The following GRID2 variants were observed in gnomAD, a reference collection of about 807,000 sequenced individuals.
GRID2 encodes glutamate receptor ionotropic, delta-2.
A neutral mutation model predicts 114.8 loss-of-function variants in GRID2; 33 were observed. That is an observed-to-expected ratio of 0.29 (90% confidence interval 0.22 to 0.38). GRID2 has a LOEUF of 0.38. Among genes scored for constraint, GRID2 ranks in the 10% least tolerant of loss-of-function variants. GRID2 has a pLI of 1.00. For synonymous variants in GRID2, 505 were observed against 449.9 expected, an observed-to-expected ratio of 1.12 and a Z score of -1.55; for missense variants, 1,184 against 1,257.7, an observed-to-expected ratio of 0.94 and a Z score of 0.89.
chr4:93,239,255 A>G (rs1747186947), intron 8 of GRID2, among the ~76,000 whole-genome samples: 2 of 149,012 alleles, frequency 1.3e-5, no homozygotes, highest in African/African-American at 4.9e-5. Context: ...AGGGAAATAA[A>G]TCATATATAT....
intron 8 of GRID2, among the ~76,000 whole-genome samples, chr4:93,315,768 C>A (rs1015535628): frequency 1.3e-5 from 2 of 152,098 alleles, no homozygotes; most frequent in African/African-American, 4.8e-5. Flanking sequence ...TACATACTCT[C>A]CTATACTAAG....
chr4:92,476,862 C>T (rs920182834), intron 1 of GRID2, among the ~76,000 whole-genome samples: 5 of 151,908 alleles, frequency 3.3e-5, no homozygotes, highest in South Asian at 2.1e-4. Context: ...CATTTAGGAA[C>T]GAAAATGTGA....
chr4:93,372,435 C>G (rs1763018170), intron 8 of GRID2, among the ~76,000 whole-genome samples: 1 of 152,080 alleles, frequency 6.6e-6, no homozygotes, highest in African/African-American at 2.4e-5. Flanking sequence ...TACAATGTCC[C>G]CATGTTGGTT....
chr4:92,790,180 A>G (rs1265455666), intron 2 of GRID2, among the ~76,000 whole-genome samples: 1 of 151,822 alleles, frequency 6.6e-6, no homozygotes, highest in Non-Finnish European at 1.5e-5. Flanking sequence ...CTAAATATGT[A>G]TGTGTACATA....
chr4:93,221,570 T>TGAA, intron 6 of GRID2, among the ~76,000 whole-genome samples: 1 of 152,258 alleles, frequency 6.6e-6, no homozygotes, highest in Non-Finnish European at 1.5e-5. Context: ...GTACAGAAAT[T>TGAA]GAAGTGACCT....
intron 2 of GRID2, among the ~76,000 whole-genome samples, chr4:92,834,786 ATACT>A (rs1742341406): frequency 6.6e-6 from 1 of 152,132 alleles, no homozygotes; most frequent in Non-Finnish European, 1.5e-5. Context: ...GAGGCCTGTA[ATACT>A]TACTTAGGTC....
intron 4 of GRID2, among the ~76,000 whole-genome samples, chr4:93,200,594 A>C (rs181451944): frequency 5.5e-5 from 7 of 126,306 alleles, no homozygotes; most frequent in East Asian, 2.2e-4. Flanking sequence ...AACAAACAAA[A>C]AAACATTACA....
intron 1 of GRID2, among the ~76,000 whole-genome samples, chr4:92,306,870 T>C (rs1579152137): frequency 1.3e-5 from 2 of 152,220 alleles, no homozygotes; most frequent in East Asian, 1.9e-4. Context: ...CTAACAGATA[T>C]AGTTACTTCT....
At chr4:92,384,583 T>TAATATATGTTA (rs369279524) in intron 1 of GRID2, among the ~76,000 whole-genome samples, 1 of 40,084 alleles carries the variant, frequency 2.5e-5, no homozygotes, top group African/African-American at 9.9e-5. Context: ...ATAAAATATA[T>TAATATATGTTA]TATATTATAT....
At chr4:93,392,192 A>G (rs1240253365) in intron 8 of GRID2, among the ~76,000 whole-genome samples, 1 of 152,158 alleles carries the variant, frequency 6.6e-6, no homozygotes, top group Admixed American at 6.6e-5. Flanking sequence ...AATAGACAGT[A>G]TGAGATTTTG....
At chr4:92,548,561 T>A (rs2149170316) in intron 1 of GRID2, among the ~76,000 whole-genome samples, 1 of 151,612 alleles carries the variant, frequency 6.6e-6, no homozygotes, top group East Asian at 2.0e-4. Context: ...TCCTGGCTAA[T>A]TTTTGTGTTT....
In GRID2 at chr4:93,395,691, C is replaced by T. The variant is rs1765262432; in HGVS notation, c.1330C>T (p.Arg444Cys). 1 of 1,502,368 alleles carries T rather than the reference C, an allele frequency of 6.7e-7. No individual in the cohort carries two copies. 93.1% of individuals were successfully genotyped at this position (1,502,368 alleles called of 1,614,324 possible). A position where few individuals can be genotyped will look rare whatever the true frequency, so the allele number is the denominator to read the frequency against. Residue 444 changes from arginine to cysteine, a missense_variant, in exon 9 of 16, where the codon CGT (arginine) becomes TGT (cysteine). Physicochemically the swap from Arg to Cys is radical, Grantham distance 180. Coordinates refer to ENST00000282020, the MANE Select transcript of GRID2 (RefSeq NM_001510.4). ...LENNMRGVVL[R>C]VVTVLEEPFV... ...GAATAACATGCGTGGAGTGGTTCTA[C>T]GTGTAGTAACTGTTCTGGTAAGTAT...
intron 12 of GRID2, among the ~76,000 whole-genome samples, chr4:93,501,619 A>G (rs1304932825): frequency 6.6e-6 from 1 of 152,188 alleles, no homozygotes; most frequent in East Asian, 1.9e-4. Flanking sequence ...GAAAAAAATT[A>G]AAACTTCCTA....
At chr4:93,470,981 A>G (rs552976307) in intron 11 of GRID2, among the ~76,000 whole-genome samples, 21 of 152,182 alleles carry the variant, frequency 1.4e-4, no homozygotes, top group Non-Finnish European at 2.1e-4. Context: ...TTAGACGTGC[A>G]TTTTTGTCTA....
intron 2 of GRID2, among the ~76,000 whole-genome samples, chr4:92,963,023 G>T (rs924666830): frequency 6.6e-6 from 1 of 151,910 alleles, no homozygotes; most frequent in Non-Finnish European, 1.5e-5. Flanking sequence ...CTGTGCTATA[G>T]TCTCTTAAGT....
chr4:93,354,133 A>G (rs576017840), intron 8 of GRID2, among the ~76,000 whole-genome samples: 1 of 152,124 alleles, frequency 6.6e-6, no homozygotes, highest in Non-Finnish European at 1.5e-5. Flanking sequence ...TTCTACCATT[A>G]TGGAGAATAG....
chr4:92,803,690 CTTGTTT>C lies in GRID2; in HGVS notation c.244+213407_244+213412del, dbSNP rs374417688. Among the ~76,000 whole-genome samples the C allele has an allele frequency of 2.1e-3, 324 of 152,040 alleles. 4 individuals are homozygous for C. Among genetic ancestry groups the C allele is most frequent in the Middle Eastern group, 0.01 (3 of 294 alleles). On this transcript the variant is annotated intron_variant, in intron 2 of 15. Transcript: ENST00000282020. ...GAGCCCACTCACATGTGTTTATCTT[CTTGTTT>C]TTAAGGGGGACCCCAGGCATGAAAG...
intron 9 of GRID2, among the ~76,000 whole-genome samples, chr4:93,418,838 C>G (rs1344142493): frequency 1.4e-4 from 21 of 151,880 alleles, no homozygotes; most frequent in Admixed American, 1.4e-3. Context: ...GAATCTGGAG[C>G]CTCCATCAGG....
chr4:93,488,542 A>G (rs989151817), intron 11 of GRID2, among the ~76,000 whole-genome samples: 27 of 152,010 alleles, frequency 1.8e-4, no homozygotes, highest in African/African-American at 5.3e-4. Flanking sequence ...ATAGAACTAC[A>G]TGAAAGTAGT....
Sources: allele counts gnomAD v4.1 joint callset (sites outside exome capture counted in the v4.1 genomes callset), GRCh38; gene constraint gnomAD v4.1.1; transcripts MANE v1.5; gene names NCBI Gene and HGNC (gene_info 2026-07-23, HGNC 2026-07-21).